CPED1: variants seen among roughly 807,000 people sequenced by gnomAD.
CPED1 encodes the protein cadherin-like and PC-esterase domain-containing protein 1.
In CPED1, 114 loss-of-function variants were observed where a neutral mutation model predicts 128.2. The ratio of observed to expected loss-of-function variants is 0.89; its 90% CI spans 0.76 to 1.04. The LOEUF (loss-of-function observed/expected upper bound fraction) is 1.04. Among genes scored for constraint, CPED1 ranks in the 50% least tolerant of loss-of-function variants. CPED1 has a pLI of 0.00. For missense variants in CPED1, 1,211 were observed against 1,207.1 expected, an observed-to-expected ratio of 1.00 and a Z score of -0.05; for synonymous variants, 462 against 426.7, an observed-to-expected ratio of 1.08 and a Z score of -1.02.
intron 22 of CPED1, among the ~76,000 whole-genome samples, chr7:121,279,765 C>T (rs1792410812): frequency 6.6e-6 from 1 of 152,126 alleles, no homozygotes; most frequent in East Asian, 1.9e-4. Flanking sequence ...TAAAATGGAA[C>T]TGCAGAAAGT....
intron 16 of CPED1, among the ~76,000 whole-genome samples, chr7:121,189,014 C>T (rs1369789967): frequency 6.6e-6 from 1 of 152,142 alleles, no homozygotes; most frequent in African/African-American, 2.4e-5. Flanking sequence ...CATCCTTTGT[C>T]TGATTATCTC....
chr7:121,091,930 C>T (rs968480044), intron 5 of CPED1, among the ~76,000 whole-genome samples: 1 of 151,844 alleles, frequency 6.6e-6, no homozygotes, highest in African/African-American at 2.4e-5. Context: ...TATTGGTTTC[C>T]CCCACATCAT....
At chr7:120,989,350 C>T in intron 1 of CPED1, 41 bp from the exon 2 acceptor site, 1 of 422,764 alleles carries the variant, frequency 2.4e-6, no homozygotes, top group South Asian at 2.3e-5. Context: ...TCAGGTTATT[C>T]GTTACAACTA....
At chr7:121,004,270 A>G (rs1005388803) in intron 2 of CPED1, among the ~76,000 whole-genome samples, 5 of 152,218 alleles carry the variant, frequency 3.3e-5, no homozygotes, top group African/African-American at 4.8e-5. Flanking sequence ...GATGCTATGC[A>G]TGGGATTGAC....
At chr7:121,277,407 A>G (rs1792350180) in intron 22 of CPED1, among the ~76,000 whole-genome samples, 1 of 152,130 alleles carries the variant, frequency 6.6e-6, no homozygotes, top group African/African-American at 2.4e-5. Flanking sequence ...GAGTCATCAG[A>G]AAATAGGTTG....
chr7:121,141,142 TC>T, intron 15 of CPED1, 129 bp downstream of exon 15: 1 of 618,782 alleles, frequency 1.6e-6, no homozygotes, highest in East Asian at 3.3e-5. Flanking sequence ...ATGTGAACTT[TC>T]CCCTTCTCAT....
In CPED1 at chr7:121,244,189, C is replaced by CCAT. The variant is rs773658686; in HGVS notation, c.2174-11_2174-9dup. 3 of 1,614,070 alleles carry CCAT rather than the reference C, an allele frequency of 1.9e-6. No homozygotes were observed. The highest frequency in any genetic ancestry group is 2.5e-6 in the Non-Finnish European group (3 of 1,179,980). On this transcript the variant is annotated splice_polypyrimidine_tract_variant and intron_variant, in intron 17 of 22. Coordinates refer to ENST00000310396, the MANE Select transcript of CPED1 (RefSeq NM_024913.5). ...AGAAACAGAACCAAAGAAAGTTTTG[C>CCAT]CATCTATTCCAGGCCAGTGGATTGT...
intron 5 of CPED1, among the ~76,000 whole-genome samples, chr7:121,068,272 A>G (rs1793898405): frequency 6.6e-6 from 1 of 152,164 alleles, no homozygotes. Context: ...TCTTTAATCC[A>G]TCTTCAATTA....
rs781387970 is a variant in CPED1 at position 120,989,813 on chromosome 7, A to T, written c.192A>T (p.Gly64=). Residue 64 remains glycine (G), a synonymous_variant, in exon 2 of 23, where the codon GGA becomes GGT. Transcript: ENST00000310396. ...TETQASRCKK[G]FSQDKQCFLL... is the part of the protein sequence containing the mutation. The stretch of plus-strand genomic sequence containing the variant: ...CCCAGGCAAGCAGATGCAAGAAAGG[A>T]TTCTCTCAGGACAAACAGTGCTTCC... 7.4e-5 allele frequency: 119 copies of T among 1,614,104 alleles called. No individual in the cohort carries two copies. Among genetic ancestry groups the T allele is most frequent in the Non-Finnish European group, 9.2e-5 (109 of 1,180,032 alleles).
chr7:121,190,963 T>C (rs987845473), intron 16 of CPED1, among the ~76,000 whole-genome samples: 1 of 152,128 alleles, frequency 6.6e-6, no homozygotes, highest in East Asian at 1.9e-4. Context: ...ATTTTCCCCA[T>C]CCCAGAGTCA....
intron 16 of CPED1, among the ~76,000 whole-genome samples, chr7:121,204,871 A>G (rs1285276274): frequency 6.6e-6 from 1 of 152,102 alleles, no homozygotes; most frequent in Non-Finnish European, 1.5e-5. Context: ...ATAGCTATTA[A>G]TGTTCCTTTC....
At chr7:121,223,830 C>A (rs1718205413) in intron 16 of CPED1, among the ~76,000 whole-genome samples, 1 of 151,278 alleles carries the variant, frequency 6.6e-6, no homozygotes. Flanking sequence ...TTTATTGTGT[C>A]TATTTGATTC....
chr7:121,238,836 T>C (rs1397302142), intron 17 of CPED1, among the ~76,000 whole-genome samples: 1 of 151,812 alleles, frequency 6.6e-6, no homozygotes, highest in Non-Finnish European at 1.5e-5. Flanking sequence ...TTACCTAGAT[T>C]ATAGGCTTCT....
intron 5 of CPED1, among the ~76,000 whole-genome samples, chr7:121,089,784 T>C (rs566036118): frequency 6.6e-6 from 1 of 152,328 alleles, no homozygotes; most frequent in South Asian, 2.1e-4. Flanking sequence ...GGTTGTGTTT[T>C]AAATTGTTAT....
At chr7:121,077,081 C>A (rs1457826451) in intron 5 of CPED1, among the ~76,000 whole-genome samples, 1 of 152,054 alleles carries the variant, frequency 6.6e-6, no homozygotes, top group Non-Finnish European at 1.5e-5. Context: ...ACCACTCCAT[C>A]CCCCATGAAA....
At chr7:121,139,978 A>G (rs1410842588) in intron 14 of CPED1, among the ~76,000 whole-genome samples, 1 of 152,010 alleles carries the variant, frequency 6.6e-6, no homozygotes, top group Non-Finnish European at 1.5e-5. Flanking sequence ...ATGGAATGAA[A>G]TACTCCTTGA....
chr7:121,245,448 CTG>C (rs1392860719), intron 18 of CPED1, among the ~76,000 whole-genome samples: 1 of 152,104 alleles, frequency 6.6e-6, no homozygotes, highest in Admixed American at 6.5e-5. Context: ...TCCCACCAGA[CTG>C]TAAGCTTCAA....
intron 16 of CPED1, among the ~76,000 whole-genome samples, chr7:121,154,007 A>C (rs1796221696): frequency 2.0e-5 from 3 of 152,212 alleles, no homozygotes. Context: ...AAATGTACCA[A>C]ACCCTTACAG....
chr7:121,080,912 G>A (rs1275999865), intron 5 of CPED1, among the ~76,000 whole-genome samples: 2 of 152,072 alleles, frequency 1.3e-5, no homozygotes, highest in Non-Finnish European at 2.9e-5. Flanking sequence ...AGTGCTCAAG[G>A]CTGTTTTCAT....
Sources: allele counts gnomAD v4.1 joint callset (sites outside exome capture counted in the v4.1 genomes callset), GRCh38; gene constraint gnomAD v4.1.1; transcripts MANE v1.5; gene names NCBI Gene and HGNC (gene_info 2026-07-23, HGNC 2026-07-21).